CCBE1: variants seen among roughly 807,000 people sequenced by gnomAD.
CCBE1 encodes collagen and calcium-binding EGF domain-containing protein 1.
Under a neutral mutation model 50.0 loss-of-function variants are expected in CCBE1, and 37 were observed. The ratio of observed to expected loss-of-function variants is 0.74; its 90% confidence interval spans 0.57 to 0.97. The LOEUF is 0.97. CCBE1 is among the 50% of genes least tolerant of loss of function. The probability of loss-of-function intolerance (pLI) is 0.00; values close to 1 mark genes in which losing one functional copy is unlikely to be tolerated. For synonymous variants in CCBE1, 234 were observed against 203.7 expected, an observed-to-expected ratio of 1.15 and a Z score of -1.27; for missense variants, 538 against 523.8, an observed-to-expected ratio of 1.03 and a Z score of -0.26.
intron 2 of CCBE1, among the ~76,000 whole-genome samples, chr18:59,613,771 T>C (rs2053601093): frequency 1.3e-5 from 2 of 151,896 alleles, no homozygotes; most frequent in Admixed American, 1.3e-4. Context: ...ATATGGTTAG[T>C]TCTTAATGAC....
At chr18:59,653,536 T>G (rs1036295403) in intron 2 of CCBE1, among the ~76,000 whole-genome samples, 1 of 152,160 alleles carries the variant, frequency 6.6e-6, no homozygotes, top group African/African-American at 2.4e-5. Flanking sequence ...GCCAATTTTT[T>G]CCCCCACAAC....
intron 10 of CCBE1, among the ~76,000 whole-genome samples, chr18:59,437,887 A>C (rs1319406768): frequency 6.6e-6 from 1 of 152,260 alleles, no homozygotes; most frequent in Non-Finnish European, 1.5e-5. Flanking sequence ...AAGATTAGCC[A>C]TGATAAAAGA....
intron 2 of CCBE1, among the ~76,000 whole-genome samples, chr18:59,500,661 G>A (rs1913575347): frequency 6.6e-6 from 1 of 152,150 alleles, no homozygotes; most frequent in South Asian, 2.1e-4. Flanking sequence ...TCCCTGGAGG[G>A]TTTGTGGTAG....
At chr18:59,495,416 G>A (rs1913306300) in intron 2 of CCBE1, among the ~76,000 whole-genome samples, 1 of 140,218 alleles carries the variant, frequency 7.1e-6, no homozygotes, top group South Asian at 2.5e-4. Flanking sequence ...TTTTTCCAGA[G>A]CGGGAAACAG....
chr18:59,575,852 T>C (rs954755727), intron 2 of CCBE1, among the ~76,000 whole-genome samples: 1 of 152,210 alleles, frequency 6.6e-6, no homozygotes, highest in Non-Finnish European at 1.5e-5. Flanking sequence ...CAATTTTGCA[T>C]AGATGGAGTT....
intron 2 of CCBE1, among the ~76,000 whole-genome samples, chr18:59,494,665 A>G (rs957465911): frequency 6.6e-6 from 1 of 152,230 alleles, no homozygotes; most frequent in Non-Finnish European, 1.5e-5. Context: ...ATGAATGAAT[A>G]TGAATTAAAT....
At chr18:59,529,883 C>T (rs1598983591) in intron 2 of CCBE1, among the ~76,000 whole-genome samples, 2 of 152,304 alleles carry the variant, frequency 1.3e-5, no homozygotes, top group Admixed American at 1.3e-4. Flanking sequence ...AAAAACTGTG[C>T]TCTCAAACCT....
At chr18:59,463,206 T>C (rs1598921361) in intron 5 of CCBE1, among the ~76,000 whole-genome samples, 1 of 152,312 alleles carries the variant, frequency 6.6e-6, no homozygotes, top group East Asian at 1.9e-4. Flanking sequence ...CCCAGCCCTT[T>C]CTGGGCCCAC....
chr18:59,595,150 G>A (rs1234157050), intron 2 of CCBE1, among the ~76,000 whole-genome samples: 1 of 147,922 alleles, frequency 6.8e-6, no homozygotes, highest in Non-Finnish European at 1.5e-5. Context: ...CTCTAAGGTG[G>A]GTTACCAAAA....
At chr18:59,615,915 A>G (rs1292350359) in intron 2 of CCBE1, among the ~76,000 whole-genome samples, 1 of 152,222 alleles carries the variant, frequency 6.6e-6, no homozygotes, top group East Asian at 1.9e-4. Flanking sequence ...CAAGGGGACT[A>G]TTATTAAACC....
chr18:59,546,257 C>T (rs1017963904), intron 2 of CCBE1, among the ~76,000 whole-genome samples: 1 of 152,166 alleles, frequency 6.6e-6, no homozygotes, highest in Admixed American at 6.5e-5. Context: ...TGAGTCATCC[C>T]CATTTCATCA....
intron 2 of CCBE1, among the ~76,000 whole-genome samples, chr18:59,662,595 T>A (rs1429621729): frequency 6.6e-6 from 1 of 152,170 alleles, no homozygotes; most frequent in Non-Finnish European, 1.5e-5. Context: ...CAAAATGTGA[T>A]TACTGCATGA....
intron 7 of CCBE1, among the ~76,000 whole-genome samples, chr18:59,447,406 TTACATGGGTAAA>T (rs1247265246): frequency 6.6e-6 from 1 of 151,970 alleles, no homozygotes; most frequent in Non-Finnish European, 1.5e-5. Flanking sequence ...AGGATGGGAG[TTACATGGGTAAA>T]TACATCTGTC....
At chr18:59,590,464 A>C (rs2053246997) in intron 2 of CCBE1, among the ~76,000 whole-genome samples, 1 of 152,226 alleles carries the variant, frequency 6.6e-6, no homozygotes, top group Non-Finnish European at 1.5e-5. Context: ...ATTTCAATAA[A>C]ATTACAAACT....
intron 2 of CCBE1, among the ~76,000 whole-genome samples, chr18:59,695,234 G>A (rs1209068085): frequency 1.3e-5 from 2 of 152,170 alleles, no homozygotes; most frequent in Non-Finnish European, 2.9e-5. Flanking sequence ...GGAAAACAAT[G>A]TGTCCTAAGA....
intron 2 of CCBE1, among the ~76,000 whole-genome samples, chr18:59,524,166 T>C (rs745838603): frequency 1.3e-5 from 2 of 152,134 alleles, no homozygotes; most frequent in Non-Finnish European, 2.9e-5. Flanking sequence ...ACTAAAAATA[T>C]AAAAATTGCC....
intron 3 of CCBE1, among the ~76,000 whole-genome samples, chr18:59,478,161 T>TTGCC (rs1228774716): frequency 2.0e-5 from 3 of 152,122 alleles, no homozygotes; most frequent in African/African-American, 4.8e-5. Context: ...CCTGGATCTC[T>TTGCC]TGCCTGCCTG....
chr18:59,452,374 TG>T (rs1260770096), intron 6 of CCBE1, among the ~76,000 whole-genome samples: 2 of 152,086 alleles, frequency 1.3e-5, no homozygotes, highest in Non-Finnish European at 2.9e-5. Context: ...GGGTGGATGA[TG>T]AGGTCAGGAG....
At chr18:59,445,466 T>C (rs886908230) in intron 7 of CCBE1, among the ~76,000 whole-genome samples, 9 of 152,218 alleles carry the variant, frequency 5.9e-5, no homozygotes, top group African/African-American at 2.2e-4. Context: ...ACATAGTAAT[T>C]GCTTTTTGAT....
Sources: allele counts gnomAD v4.1 joint callset (sites outside exome capture counted in the v4.1 genomes callset), GRCh38; gene constraint gnomAD v4.1.1; transcripts MANE v1.5; gene names NCBI Gene and HGNC (gene_info 2026-07-23, HGNC 2026-07-21).